Variants in DCAF6 observed in about 807,000 individuals in gnomAD.
DCAF6 encodes DDB1- and CUL4-associated factor 6.
Under a neutral mutation model 125.1 loss-of-function variants are expected in DCAF6, and 54 were observed. That is an observed-to-expected ratio of 0.43 (90% CI 0.35 to 0.54). The LOEUF is 0.54. Ranked by LOEUF, DCAF6 falls within the 20% of genes least tolerant of loss-of-function variation. The pLI, the probability that DCAF6 is intolerant of heterozygous loss-of-function variation, is 0.01. For missense variants in DCAF6, 934 were observed against 1,161.7 expected (o/e 0.80, Z 2.85); for synonymous variants, 371 against 390.4 (o/e 0.95, Z 0.58).
chr1:167,989,117 A>G (rs1410155569), intron 5 of DCAF6, among the ~76,000 whole-genome samples: 4 of 152,122 alleles, frequency 2.6e-5, no homozygotes, highest in Non-Finnish European at 5.9e-5. Flanking sequence ...CTTTAAACAT[A>G]CAGTTTAATC....
chr1:167,962,890 G>C (rs1193306108), intron 2 of DCAF6, among the ~76,000 whole-genome samples: 4 of 152,180 alleles, frequency 2.6e-5, no homozygotes, highest in Non-Finnish European at 5.9e-5. Flanking sequence ...AGGAGGCAGA[G>C]GGTTGTAGTA....
intron 12 of DCAF6, among the ~76,000 whole-genome samples, chr1:168,033,198 C>G (rs1687330694): frequency 6.6e-6 from 1 of 151,802 alleles, no homozygotes; most frequent in African/African-American, 2.4e-5. Context: ...AAATACATAA[C>G]AGTTCAAGGA....
At chr1:167,986,764 TC>T (rs1438391523) in intron 4 of DCAF6, among the ~76,000 whole-genome samples, 1 of 152,136 alleles carries the variant, frequency 6.6e-6, no homozygotes, top group Non-Finnish European at 1.5e-5. Context: ...GCTGCTCACT[TC>T]CTAACAGGCT....
At chr1:168,002,380 A>G (rs572376256) in intron 7 of DCAF6, 102 bp from the exon 8 acceptor site, 140 of 974,306 alleles carry the variant, frequency 1.4e-4, no homozygotes, top group Non-Finnish European at 1.3e-5. Context: ...TGCATACTCA[A>G]GAAGTAGGGA....
Position 168,068,356 on chromosome 1 carries a change from A to G in DCAF6, c.2686-2A>G. 1 of 1,600,112 alleles carries G rather than the reference A, an allele frequency of 6.2e-7. No individual in the cohort carries two copies. The highest frequency in any genetic ancestry group is 8.6e-7 in the Non-Finnish European group (1 of 1,169,554). The stretch of plus-strand genomic sequence containing the variant: ...TGATACGATTTTTAACTTGCCTTGT[A>G]GGTTATAACTCGAAACGAACTCATG... On this transcript the variant is annotated splice_acceptor_variant, in intron 20 of 21. Transcript: ENST00000367840. LOFTEE classifies it high-confidence loss of function.
At chr1:168,022,925 C>G in intron 11 of DCAF6, 63 bp from the exon 12 acceptor site, 1 of 1,422,316 alleles carries the variant, frequency 7.0e-7, no homozygotes, top group South Asian at 1.2e-5. Flanking sequence ...TAGAGATGAT[C>G]ATGACATTGC....
At chr1:168,075,171 T>G (rs925739681) in intron 21 of DCAF6, among the ~76,000 whole-genome samples, 200 bp from the exon 22 acceptor site, 1 of 152,208 alleles carries the variant, frequency 6.6e-6, no homozygotes, top group Non-Finnish European at 1.5e-5. Flanking sequence ...CTTTTTTCAT[T>G]TTTACATGTT....
intron 3 of DCAF6, among the ~76,000 whole-genome samples, chr1:167,967,183 T>C (rs181295267): frequency 4.6e-5 from 7 of 152,264 alleles, no homozygotes; most frequent in South Asian, 4.1e-4. Flanking sequence ...ATTTAGTCTT[T>C]TAGAAAATTT....
chr1:167,914,848 C>A, the DCAF6 span, among the ~76,000 whole-genome samples: 1 of 152,220 alleles, frequency 6.6e-6, no homozygotes, highest in Non-Finnish European at 1.5e-5. Context: ...AAGCCCCGCT[C>A]TGTAATTGTT....
chr1:168,021,797 C>T (rs1685701563), intron 11 of DCAF6, among the ~76,000 whole-genome samples: 1 of 152,024 alleles, frequency 6.6e-6, no homozygotes, highest in African/African-American at 2.4e-5. Context: ...CCTATAAAAT[C>T]AATGTGAATC....
intron 17 of DCAF6, among the ~76,000 whole-genome samples, chr1:168,056,928 G>T (rs1222967325): frequency 6.6e-6 from 1 of 152,110 alleles, no homozygotes; most frequent in Non-Finnish European, 1.5e-5. Flanking sequence ...GCACAGTAAA[G>T]AATTTCTTTC....
chr1:167,918,220 CT>C, the DCAF6 span: 1 of 914,444 alleles, frequency 1.1e-6, no homozygotes, highest in South Asian at 1.8e-5. Flanking sequence ...GTTACAGTGC[CT>C]TCTAAACACA....
chr1:167,968,083 C>G (rs1031398611), intron 3 of DCAF6, among the ~76,000 whole-genome samples: 1 of 151,948 alleles, frequency 6.6e-6, no homozygotes, highest in Non-Finnish European at 1.5e-5. Flanking sequence ...AATAGTAATT[C>G]CAAAAATGTA....
chr1:167,968,132 A>G (rs192127777), intron 3 of DCAF6, among the ~76,000 whole-genome samples: 137 of 152,296 alleles, frequency 9.0e-4, no homozygotes, highest in Admixed American at 2.5e-3. Context: ...GCAACCGTGT[A>G]TTGGTGATTG....
chr1:167,983,559 T>C (rs1679513355), intron 4 of DCAF6, among the ~76,000 whole-genome samples: 1 of 152,218 alleles, frequency 6.6e-6, no homozygotes, highest in South Asian at 2.1e-4. Flanking sequence ...AACTCTGCCT[T>C]AGCTTTCACT....
chr1:167,905,258 C>T, the DCAF6 span: 1 of 1,253,496 alleles, frequency 8.0e-7, no homozygotes, highest in Admixed American at 1.7e-5. Flanking sequence ...TTTCCTATTG[C>T]TCTTTCTCCA....
the DCAF6 span, among the ~76,000 whole-genome samples, chr1:167,922,145 G>A: frequency 1.3e-5 from 2 of 152,164 alleles, no homozygotes; most frequent in South Asian, 2.1e-4. Flanking sequence ...TATAAGGTAA[G>A]TATCTAATAG....
At chr1:167,971,348 CT>C (rs1677270478) in intron 3 of DCAF6, among the ~76,000 whole-genome samples, 1 of 152,058 alleles carries the variant, frequency 6.6e-6, no homozygotes, top group Admixed American at 6.6e-5. Flanking sequence ...ATGACAATTT[CT>C]TTTTTCTTTT....
chr1:167,970,705 A>T (rs2102862735), intron 3 of DCAF6, among the ~76,000 whole-genome samples: 1 of 152,280 alleles, frequency 6.6e-6, no homozygotes, highest in African/African-American at 2.4e-5. Context: ...TATAGGAAAA[A>T]AAGCTTTTTG....
Sources: allele counts gnomAD v4.1 joint callset (sites outside exome capture counted in the v4.1 genomes callset), GRCh38; gene constraint gnomAD v4.1.1; transcripts MANE v1.5; gene names NCBI Gene and HGNC (gene_info 2026-07-23, HGNC 2026-07-21).